PHLDB2: variants seen among roughly 807,000 people sequenced by gnomAD.
PHLDB2 encodes pleckstrin homology like domain family B member 2.
PHLDB2 carries 71 observed loss-of-function variants against 123.6 expected under a neutral mutation model. That is an observed-to-expected ratio of 0.57 (90% CI 0.47 to 0.70). The LOEUF is 0.70. Ranked by LOEUF, PHLDB2 falls within the 30% of genes least tolerant of loss-of-function variation. The pLI, the probability that PHLDB2 is intolerant of heterozygous loss-of-function variation, is 0.00. For missense variants in PHLDB2, 1,446 were observed against 1,519.5 expected (o/e 0.95, Z 0.80); for synonymous variants, 547 against 541.6 (o/e 1.01, Z -0.14).
At chr3:111,808,850 C>T (rs1487930473) in intron 1 of PHLDB2, among the ~76,000 whole-genome samples, 1 of 152,252 alleles carries the variant, frequency 6.6e-6, no homozygotes, top group Middle Eastern at 3.4e-3. Flanking sequence ...TTGTAATTCT[C>T]ATAACTAATA....
At position 111,925,913 on chromosome 3, in the gene PHLDB2, G is replaced by A. The variant is rs143354462; in HGVS notation, c.2001+5494G>A. Among the ~76,000 whole-genome samples, 705 of 152,156 alleles carry A rather than the reference G, an allele frequency of 4.6e-3. 5 individuals are homozygous for A. Among genetic ancestry groups the A allele is most frequent in the African/African-American group, 0.016 (661 of 41,522 alleles). ...TGTTTTATCTGTGCTTCTTTTTAGCGCACAAAAATCAAGTCAGTTGTACCA... is the reference window on the plus strand; with the variant it reads ...TGTTTTATCTGTGCTTCTTTTTAGCACACAAAAATCAAGTCAGTTGTACCA... On this transcript the variant is annotated intron_variant, in intron 5 of 17. Coordinates refer to ENST00000431670, the MANE Select transcript of PHLDB2 (RefSeq NM_001134438.2).
chr3:111,811,622 G>T (rs1241613240), intron 1 of PHLDB2, among the ~76,000 whole-genome samples: 1 of 151,902 alleles, frequency 6.6e-6, no homozygotes. Context: ...TTGTGATACA[G>T]GTAATCAATA....
At chr3:111,855,453 C>T (rs1173932229), upstream of PHLDB2, among the ~76,000 whole-genome samples, 1 of 149,978 alleles carries the variant, frequency 6.7e-6, no homozygotes, top group African/African-American at 2.5e-5. Context: ...CCCTCCCGCG[C>T]TTCCCTCTTT....
intron 1 of PHLDB2, among the ~76,000 whole-genome samples, chr3:111,871,524 C>T (rs1438135863): frequency 6.6e-6 from 1 of 152,032 alleles, no homozygotes; most frequent in Non-Finnish European, 1.5e-5. Flanking sequence ...TGTGGTGGCC[C>T]ATGCCTGTAG....
At chr3:111,904,201 C>T (rs1449713372) in intron 2 of PHLDB2, among the ~76,000 whole-genome samples, 1 of 133,454 alleles carries the variant, frequency 7.5e-6, no homozygotes, top group Admixed American at 8.9e-5. Flanking sequence ...TTGCTTGGAC[C>T]CAAGAGGTGG....
At chr3:111,909,172 C>T (rs771349502) in intron 2 of PHLDB2, among the ~76,000 whole-genome samples, 1 of 152,156 alleles carries the variant, frequency 6.6e-6, no homozygotes, top group Non-Finnish European at 1.5e-5. Flanking sequence ...TCATATTTAT[C>T]CTTGAGGACT....
At chr3:111,768,312 C>T (rs1576545920) in intron 1 of PHLDB2, among the ~76,000 whole-genome samples, 2 of 152,264 alleles carry the variant, frequency 1.3e-5, no homozygotes, top group East Asian at 3.9e-4. Context: ...GTTGAGTCCA[C>T]CTGGATTTGA....
chr3:111,965,595 A>G (rs146917481), intron 13 of PHLDB2, among the ~76,000 whole-genome samples: 1 of 152,306 alleles, frequency 6.6e-6, no homozygotes, highest in Non-Finnish European at 1.5e-5. Context: ...TCCCTACTCT[A>G]TGCCAGGTTC....
rs575222295 is a variant in PHLDB2, at chr3:111,798,325, T to A, written c.-48-47496T>A. Among the ~76,000 whole-genome samples the A allele has an allele frequency of 7.2e-4, 109 of 152,262 alleles. 1 individual carries two copies. The highest frequency in any genetic ancestry group is 2.5e-3 in the African/African-American group (103 of 41,550). On this transcript the variant is annotated intron_variant, in intron 1 of 17. Coordinates refer to the PHLDB2 transcript ENST00000393923. ...TCAAAAGATGTTTAAAAAGTCAATTTTTACCATCATTCTAAAGAAAGCAAG... is the reference window on the plus strand; with the variant it reads ...TCAAAAGATGTTTAAAAAGTCAATTATTACCATCATTCTAAAGAAAGCAAG...
chr3:111,787,675 C>A (rs1324148495), intron 1 of PHLDB2, among the ~76,000 whole-genome samples: 1 of 152,072 alleles, frequency 6.6e-6, no homozygotes, highest in Non-Finnish European at 1.5e-5. Context: ...CCTTTTTCCT[C>A]TTTTTCCTTC....
At chr3:111,871,165 A>G (rs1158799421) in intron 1 of PHLDB2, among the ~76,000 whole-genome samples, 2 of 152,186 alleles carry the variant, frequency 1.3e-5, no homozygotes, top group Non-Finnish European at 2.9e-5. Context: ...GGATGATCCT[A>G]AGGCAGTGTC....
chr3:111,817,834 G>T (rs1208092597), intron 1 of PHLDB2, among the ~76,000 whole-genome samples: 3 of 152,158 alleles, frequency 2.0e-5, no homozygotes, highest in African/African-American at 7.2e-5. Context: ...GAGCAGAAAT[G>T]AAAGTGAGTT....
intron 5 of PHLDB2, among the ~76,000 whole-genome samples, chr3:111,924,619 G>A (rs1180137243): frequency 1.3e-5 from 2 of 152,224 alleles, no homozygotes; most frequent in Non-Finnish European, 2.9e-5. Context: ...CTTAGGGATC[G>A]TGTTTCCTTT....
chr3:111,760,527 C>G (rs2059975003), intron 1 of PHLDB2, among the ~76,000 whole-genome samples: 1 of 152,108 alleles, frequency 6.6e-6, no homozygotes, highest in Non-Finnish European at 1.5e-5. Context: ...AACAAACTAG[C>G]AAAGTTGGAG....
intron 1 of PHLDB2, among the ~76,000 whole-genome samples, chr3:111,802,670 A>C (rs1272713093): frequency 1.3e-5 from 2 of 152,218 alleles, no homozygotes; most frequent in Non-Finnish European, 2.9e-5. Context: ...AATATGTGAA[A>C]GTTTTCTAAA....
intron 1 of PHLDB2, among the ~76,000 whole-genome samples, chr3:111,834,243 G>T (rs1264169774): frequency 0.073 from 5,969 of 81,962 alleles, 1,581 homozygotes; most frequent in African/African-American, 0.29. Context: ...GTATATAATA[G>T]AATTATATAT....
chr3:111,804,309 GTGAAAGAAGACATTAT>G (rs1342652290), intron 1 of PHLDB2, among the ~76,000 whole-genome samples: 4 of 152,178 alleles, frequency 2.6e-5, no homozygotes, highest in African/African-American at 9.7e-5. Flanking sequence ...TTTAAAGCCT[GTGAAAGAAGACATTAT>G]TGAATTCTTC....
intron 1 of PHLDB2, among the ~76,000 whole-genome samples, chr3:111,770,954 G>A (rs1387545555): frequency 1.3e-4 from 7 of 53,332 alleles, no homozygotes; most frequent in African/African-American, 2.9e-4. Flanking sequence ...GGATGAGGCA[G>A]CTTGAGGAGA....
intron 16 of PHLDB2, among the ~76,000 whole-genome samples, chr3:111,973,084 A>AT: frequency 1.3e-5 from 2 of 152,320 alleles, no homozygotes; most frequent in South Asian, 2.1e-4. Flanking sequence ...AGAACTTAGT[A>AT]GATCACAGAG....
Sources: allele counts gnomAD v4.1 joint callset (sites outside exome capture counted in the v4.1 genomes callset), GRCh38; gene constraint gnomAD v4.1.1; transcripts MANE v1.5; gene names NCBI Gene and HGNC (gene_info 2026-07-23, HGNC 2026-07-21).